Variants in TOM1 observed in about 807,000 individuals in gnomAD.
TOM1 encodes target of myb1 membrane trafficking protein, also known as target of Myb protein 1.
Under a neutral mutation model 61.3 loss-of-function variants are expected in TOM1, and 38 were observed. The observed-to-expected ratio is 0.62, with a 90% CI of 0.48 to 0.81. TOM1 has a LOEUF of 0.81. Among genes scored for constraint, TOM1 ranks in the 40% least tolerant of loss-of-function variants. TOM1 has a pLI of 0.00. For synonymous variants in TOM1, 270 were observed against 268.8 expected (o/e 1.00, Z -0.04); for missense variants, 591 against 659.6 (o/e 0.90, Z 1.14).
At chr22:35,314,828 TTACCTC>T (rs936415762) in intron 1 of TOM1, among the ~76,000 whole-genome samples, 1 of 152,256 alleles carries the variant, frequency 6.6e-6, no homozygotes, top group African/African-American at 2.4e-5. Context: ...TGCCCCGCCC[TTACCTC>T]TGTGTGCCCT....
Position 35,330,485 on chromosome 22 carries a change from C to G in TOM1, c.899+5C>G. On this transcript the variant is annotated splice_donor_5th_base_variant and intron_variant, in intron 8 of 14. Transcript: ENST00000449058. Reference sequence around the variant, plus strand: ...TGTGTTCCTGCGCCATGAACGGTAGCCCCAGCACCTCCCCTGGCCTCTGGC... The same window carrying G: ...TGTGTTCCTGCGCCATGAACGGTAGGCCCAGCACCTCCCCTGGCCTCTGGC... 6.2e-7 allele frequency: 1 copy of G among 1,607,932 alleles called. No homozygotes were observed. The highest frequency in any genetic ancestry group is 8.5e-7 in the Non-Finnish European group (1 of 1,176,836).
Position 35,323,312 on chromosome 22 carries a change from G to A in TOM1, c.366+135G>A. Reference sequence around the variant, plus strand: ...TTTCGGGGCGTCTCGGTTGTCGGCTGGTGGGATGTTCTGTGGGGAGGGAGG... The same window carrying A: ...TTTCGGGGCGTCTCGGTTGTCGGCTAGTGGGATGTTCTGTGGGGAGGGAGG... On this transcript the variant is annotated intron_variant, in intron 4 of 14. Coordinates refer to ENST00000449058, the MANE Select transcript of TOM1 (RefSeq NM_005488.3). The surrounding 1 kb of genome is among the most constrained non-coding windows in gnomAD (Gnocchi z 4.2). 4.9e-6 allele frequency: 7 copies of A among 1,421,496 alleles called. No homozygotes were observed. The highest frequency in any genetic ancestry group is 6.7e-6 in the Non-Finnish European group (7 of 1,041,940). 88.1% of individuals were successfully genotyped at this position (1,421,496 alleles called of 1,614,324 possible). A position where few individuals can be genotyped will look rare whatever the true frequency, so the allele number is the denominator to read the frequency against.
chr22:35,330,564 C>T, intron 8 of TOM1, 84 bp downstream of exon 8: 1 of 1,347,404 alleles, frequency 7.4e-7, no homozygotes. Context: ...GGTCTCATGC[C>T]ATCTGAGCCT....
chr22:35,305,592 G>A lies in TOM1; in HGVS notation c.52+5612G>A, dbSNP rs546034684. 3.6e-3 allele frequency among the ~76,000 whole-genome samples: 542 copies of A among 151,912 alleles called. 1 individual carries two copies. The highest frequency in any genetic ancestry group is 5.9e-3 in the Non-Finnish European group (403 of 67,982). On this transcript the variant is annotated intron_variant, in intron 1 of 14. Transcript: ENST00000449058. The stretch of plus-strand genomic sequence containing the variant: ...GGAAAATTACTTGAACCTGGGAGGC[G>A]AAGGTTGCAGTGAGCCAAGATCACG...
chr22:35,304,377 C>T (rs773576583), intron 1 of TOM1, among the ~76,000 whole-genome samples: 3 of 152,198 alleles, frequency 2.0e-5, no homozygotes, highest in Non-Finnish European at 4.4e-5. Flanking sequence ...GATTCCAGAT[C>T]CTTTGTACCA....
intron 7 of TOM1, among the ~76,000 whole-genome samples, chr22:35,330,055 A>G (rs1329239095): frequency 1.3e-5 from 2 of 152,010 alleles, no homozygotes; most frequent in Non-Finnish European, 2.9e-5. Flanking sequence ...CGAGGCAGGC[A>G]GATCGTGAGG....
chr22:35,332,878 A>G, intron 8 of TOM1, 103 bp from the exon 9 acceptor site: 1 of 1,152,312 alleles, frequency 8.7e-7, no homozygotes, highest in Non-Finnish European at 1.3e-6. Flanking sequence ...ATCATAACCC[A>G]CCGTGTTGAT....
At chr22:35,345,621 G>A in intron 12 of TOM1, 104 bp from the exon 13 acceptor site, 1 of 1,150,954 alleles carries the variant, frequency 8.7e-7, no homozygotes, top group Non-Finnish European at 1.3e-6. Context: ...AGCTGAGGCT[G>A]GGGTGGGAGG....
Position 35,338,803 on chromosome 22 carries a change from C to G in TOM1, c.1224+15C>G. The G allele has an allele frequency of 1.3e-6, 2 of 1,565,096 alleles. No homozygotes were observed. Among genetic ancestry groups the G allele is most frequent in the Non-Finnish European group, 1.7e-6 (2 of 1,158,540 alleles). ...GCACTGGCGCGGTAAGCAGAGGGGC[C>G]ATCCTGCCACCCTGGGGCCCTCCTG... On this transcript the variant is annotated intron_variant, in intron 12 of 14. Coordinates refer to ENST00000449058, the MANE Select transcript of TOM1 (RefSeq NM_005488.3).
At chr22:35,331,093 C>CTTTT (rs773623729) in intron 8 of TOM1, among the ~76,000 whole-genome samples, 2 of 127,160 alleles carry the variant, frequency 1.6e-5, no homozygotes, top group Admixed American at 8.5e-5. Flanking sequence ...ACCTGTCCAC[C>CTTTT]TTTTTTTTTT....
intron 7 of TOM1, among the ~76,000 whole-genome samples, chr22:35,328,778 G>T (rs1928561679): frequency 6.6e-6 from 1 of 152,216 alleles, no homozygotes; most frequent in Non-Finnish European, 1.5e-5. Flanking sequence ...CCGAGCCTCA[G>T]CGTTGCCTCC....
At chr22:35,346,841 A>T in intron 13 of TOM1, 89 bp from the exon 14 acceptor site, 1 of 1,278,758 alleles carries the variant, frequency 7.8e-7, no homozygotes, top group Non-Finnish European at 1.1e-6. Context: ...GCTGAGGTTC[A>T]GCGGGGCCCG....
chr22:35,316,837 G>C (rs189432551), intron 1 of TOM1, among the ~76,000 whole-genome samples: 1 of 152,104 alleles, frequency 6.6e-6, no homozygotes, highest in Admixed American at 6.5e-5. Flanking sequence ...TTTTGGGCCC[G>C]TACCGTGCTG....
chr22:35,339,956 C>T (rs1929740189), intron 12 of TOM1, among the ~76,000 whole-genome samples: 1 of 151,950 alleles, frequency 6.6e-6, no homozygotes, highest in Non-Finnish European at 1.5e-5. Context: ...TGCGAGGGTG[C>T]TCTTTGAATT....
intron 1 of TOM1, among the ~76,000 whole-genome samples, chr22:35,312,431 T>C (rs1236206991): frequency 1.3e-5 from 2 of 152,202 alleles, no homozygotes; most frequent in Non-Finnish European, 2.9e-5. Flanking sequence ...CTGGATTTGC[T>C]CACTGACGTC....
At chr22:35,343,770 C>T (rs1219445366) in intron 12 of TOM1, among the ~76,000 whole-genome samples, 1 of 113,860 alleles carries the variant, frequency 8.8e-6, no homozygotes, top group African/African-American at 3.0e-5. Context: ...CCTACACATA[C>T]ACACCTACAC....
At chr22:35,333,122 C>A in intron 9 of TOM1, 108 bp downstream of exon 9, 1 of 1,243,544 alleles carries the variant, frequency 8.0e-7, no homozygotes, top group Non-Finnish European at 1.2e-6. Context: ...GCTGTCTTAT[C>A]CAGGCCCATA....
chr22:35,332,870 C>A, intron 8 of TOM1, 111 bp from the exon 9 acceptor site: 4 of 1,098,188 alleles, frequency 3.6e-6, no homozygotes, highest in South Asian at 1.2e-5. Context: ...TCACCCTGAT[C>A]ATAACCCACC....
intron 13 of TOM1, 56 bp from the exon 14 acceptor site, chr22:35,346,874 G>A: frequency 6.5e-7 from 1 of 1,546,434 alleles, no homozygotes; most frequent in Non-Finnish European, 8.9e-7. Context: ...ACTGCCCCAG[G>A]CTGACCGTAC....
Sources: gnomAD v4.1 joint callset for allele counts (sites outside exome capture counted in the v4.1 genomes callset) on GRCh38, gnomAD v4.1.1 for gene constraint, Gnocchi (gnomAD v3.1) non-coding constraint, MANE v1.5 for transcripts, NCBI Gene and HGNC (gene_info 2026-07-23, HGNC 2026-07-21) for gene names.